The following UBAC2 variants were observed in gnomAD, a reference collection of about 807,000 sequenced individuals.
The protein encoded by UBAC2 is UBA domain containing 2.
A neutral mutation model predicts 44.0 loss-of-function variants in UBAC2; 26 were observed. The observed-to-expected ratio is 0.59, with a 90% CI of 0.43 to 0.82. The LOEUF (loss-of-function observed/expected upper bound fraction) is 0.82. Ranked by LOEUF, UBAC2 falls within the 40% of genes least tolerant of loss-of-function variation. The pLI is 0.00. For missense variants in UBAC2, 329 were observed against 419.4 expected (o/e 0.78, Z 1.88); for synonymous variants, 155 against 154.3 (o/e 1.00, Z -0.04).
At chr13:99,277,081 T>C (rs2043893522) in intron 4 of UBAC2, among the ~76,000 whole-genome samples, 1 of 152,246 alleles carries the variant, frequency 6.6e-6, no homozygotes, top group Non-Finnish European at 1.5e-5. Flanking sequence ...ATAGTGTTGC[T>C]GTTTTCTAAC....
At chr13:99,363,286 A>G (rs1053144145) in intron 7 of UBAC2, among the ~76,000 whole-genome samples, 3 of 152,196 alleles carry the variant, frequency 2.0e-5, no homozygotes, top group African/African-American at 4.8e-5. Flanking sequence ...CCTTTCTTAT[A>G]TTTCTTCAAA....
At chr13:99,236,241 A>G (rs2043231607) in intron 1 of UBAC2, among the ~76,000 whole-genome samples, 1 of 152,242 alleles carries the variant, frequency 6.6e-6, no homozygotes, top group South Asian at 2.1e-4. Flanking sequence ...GTTGCACAGC[A>G]AAAGAAACAG....
intron 4 of UBAC2, among the ~76,000 whole-genome samples, chr13:99,253,228 A>G (rs2142758035): frequency 6.6e-6 from 1 of 152,050 alleles, no homozygotes; most frequent in East Asian, 1.9e-4. Flanking sequence ...GTACCACCTT[A>G]TGTAGCTCTG....
chr13:99,360,554 T>G (rs1261118374), intron 7 of UBAC2, among the ~76,000 whole-genome samples: 1 of 152,234 alleles, frequency 6.6e-6, no homozygotes, highest in Non-Finnish European at 1.5e-5. Context: ...CTCTACCTTT[T>G]TGTCCCTCTG....
chr13:99,304,772 G>A (rs924765323), intron 4 of UBAC2, among the ~76,000 whole-genome samples: 1 of 152,168 alleles, frequency 6.6e-6, no homozygotes, highest in African/African-American at 2.4e-5. Context: ...AGACCTAGCT[G>A]TTAAATGTTA....
At chr13:99,332,745 G>A (rs1008927564) in intron 6 of UBAC2, among the ~76,000 whole-genome samples, 3 of 152,124 alleles carry the variant, frequency 2.0e-5, no homozygotes, top group East Asian at 1.9e-4. Context: ...CTTGCCTGCC[G>A]GAGACTGCGC....
chr13:99,278,970 A>G (rs1304804124), intron 4 of UBAC2, among the ~76,000 whole-genome samples: 2 of 152,210 alleles, frequency 1.3e-5, no homozygotes, highest in East Asian at 3.8e-4. Flanking sequence ...ATTGATTATA[A>G]CAAATGTGTG....
chr13:99,218,168 A>G (rs1423836617), intron 1 of UBAC2, among the ~76,000 whole-genome samples: 1 of 152,166 alleles, frequency 6.6e-6, no homozygotes, highest in Non-Finnish European at 1.5e-5. Flanking sequence ...TTCTTGTCTA[A>G]TTAGTACTTT....
At chr13:99,244,779 T>G (rs2043361612) in intron 4 of UBAC2, among the ~76,000 whole-genome samples, 155 bp downstream of exon 4, 1 of 152,102 alleles carries the variant, frequency 6.6e-6, no homozygotes, top group African/African-American at 2.4e-5. Context: ...ATGCCTACAT[T>G]TTTATTATGT....
intron 6 of UBAC2, among the ~76,000 whole-genome samples, chr13:99,338,039 C>CTTTTTTTTTTTTTT (rs747905404): frequency 9.8e-5 from 9 of 91,562 alleles, no homozygotes; most frequent in South Asian, 4.6e-4. Flanking sequence ...AACTTTTTTT[C>CTTTTTTTTTTTTTT]TTTTTTTCTT....
In UBAC2 at chr13:99,342,624, G is replaced by A. The variant is rs558026760; in HGVS notation, c.807+2059G>A. On this transcript the variant is annotated intron_variant, in intron 7 of 8. Coordinates refer to ENST00000403766, the MANE Select transcript of UBAC2 (RefSeq NM_001144072.2). ...TCGTGTGCCAGCGCTGGGTTATCTG[G>A]TGATGGAGCCACAGTCATTCTGTCC... 3.3e-3 allele frequency among the ~76,000 whole-genome samples: 497 copies of A among 152,306 alleles called. 4 individuals are homozygous for A. Among genetic ancestry groups the A allele is most frequent in the Non-Finnish European group, 4.2e-3 (283 of 68,022 alleles).
intron 4 of UBAC2, among the ~76,000 whole-genome samples, chr13:99,247,653 G>C (rs1706097075): frequency 2.0e-5 from 3 of 152,152 alleles, no homozygotes; most frequent in Admixed American, 1.3e-4. Context: ...TTAAAACCTA[G>C]ATGATGGGTC....
At chr13:99,223,265 CATT>C (rs951583334) in intron 1 of UBAC2, among the ~76,000 whole-genome samples, 8 of 152,156 alleles carry the variant, frequency 5.3e-5, no homozygotes, top group African/African-American at 1.9e-4. Flanking sequence ...AGTACATTCA[CATT>C]GTTGTGCAAC....
intron 1 of UBAC2, among the ~76,000 whole-genome samples, chr13:99,223,820 T>G (rs1004397311): frequency 1.4e-4 from 22 of 152,188 alleles, no homozygotes; most frequent in African/African-American, 4.6e-4. Context: ...GCTGTTGGCT[T>G]CTGATTTTTT....
intron 4 of UBAC2, among the ~76,000 whole-genome samples, chr13:99,249,303 G>T (rs1566467330): frequency 6.6e-6 from 1 of 151,758 alleles, no homozygotes; most frequent in Non-Finnish European, 1.5e-5. Flanking sequence ...TTGATTTTCT[G>T]TTCCTGCATT....
intron 6 of UBAC2, among the ~76,000 whole-genome samples, chr13:99,331,825 T>C (rs1216624072): frequency 1.3e-5 from 2 of 152,362 alleles, no homozygotes; most frequent in East Asian, 3.9e-4. Flanking sequence ...TAGGAAAATG[T>C]AAGATGCATC....
chr13:99,240,254 A>G (rs2043284868), intron 2 of UBAC2, among the ~76,000 whole-genome samples: 2 of 152,208 alleles, frequency 1.3e-5, no homozygotes, highest in Admixed American at 6.5e-5. Flanking sequence ...TCTTTAGGGG[A>G]CATTCACCTG....
intron 8 of UBAC2, among the ~76,000 whole-genome samples, chr13:99,368,400 G>A (rs990161126): frequency 3.3e-5 from 5 of 152,236 alleles, no homozygotes; most frequent in African/African-American, 1.2e-4. Context: ...CATTGAAGGA[G>A]GGAAAATGGA....
chr13:99,341,944 A>G (rs976434903), intron 7 of UBAC2, among the ~76,000 whole-genome samples: 10 of 152,172 alleles, frequency 6.6e-5, no homozygotes, highest in Admixed American at 2.0e-4. Flanking sequence ...ATATCAAAAG[A>G]GCAGATTTGG....
Sources: allele counts gnomAD v4.1 joint callset (sites outside exome capture counted in the v4.1 genomes callset), GRCh38; gene constraint gnomAD v4.1.1; transcripts MANE v1.5; gene names NCBI Gene and HGNC (gene_info 2026-07-23, HGNC 2026-07-21).